Variants in CACNG6 observed in about 807,000 individuals in gnomAD.
CACNG6 encodes voltage-dependent calcium channel gamma-6 subunit.
CACNG6 carries 21 observed loss-of-function variants against 23.9 expected under a neutral mutation model. The ratio of observed to expected loss-of-function variants is 0.88; its 90% CI spans 0.62 to 1.26. CACNG6 has a LOEUF of 1.26. Among genes scored for constraint, CACNG6 ranks in the 50% most tolerant of loss-of-function variants. CACNG6 has a pLI of 0.00. For synonymous variants in CACNG6, 182 were observed against 168.9 expected (o/e 1.08, Z -0.60); for missense variants, 340 against 352.9 (o/e 0.96, Z 0.29).
Position 53,992,707 on chromosome 19 carries a change from C to T in CACNG6, c.-171C>T, listed in dbSNP as rs1379426733. Reference sequence around the variant, plus strand: ...TTCTCTTCTGAACCCCAGAAGCAATCTCGACTTTCGCATTTGAGATTCCAG... The same window carrying T: ...TTCTCTTCTGAACCCCAGAAGCAATTTCGACTTTCGCATTTGAGATTCCAG... On this transcript the variant is annotated 5_prime_UTR_variant, in exon 1 of 4. Transcript: ENST00000252729. This position sits in a 1 kb window ranked among gnomAD's most constrained non-coding sequence, Gnocchi z 4.1. The T allele has an allele frequency of 7.4e-6, 3 of 406,916 alleles. No individual in the cohort carries two copies. The highest frequency in any genetic ancestry group is 6.2e-5 in the African/African-American group (3 of 48,426). 25.2% of individuals were successfully genotyped at this position (406,916 alleles called of 1,614,324 possible).
intron 3 of CACNG6, among the ~76,000 whole-genome samples, chr19:54,004,457 A>C (rs287136): frequency 0.027 from 4,002 of 149,238 alleles, 180 homozygotes; most frequent in African/African-American, 0.093. Flanking sequence ...ACCTCAGGTG[A>C]TCTGCCCGCC....
intron 3 of CACNG6, 64 bp from the exon 4 acceptor site, chr19:54,011,875 GGGAGCGGATGGC>G: frequency 9.2e-7 from 1 of 1,090,166 alleles, no homozygotes; most frequent in Non-Finnish European, 1.2e-6. Flanking sequence ...CGGGAGGGCT[GGGAGCGGATGGC>G]GGAGATGTTC....
At chr19:54,002,284 G>GTTTTGTT (rs2069586727) in intron 3 of CACNG6, among the ~76,000 whole-genome samples, 1 of 117,428 alleles carries the variant, frequency 8.5e-6, no homozygotes, top group South Asian at 2.5e-4. Flanking sequence ...TGTTTTTTTT[G>GTTTTGTT]TTTTTTTTTT....
intron 3 of CACNG6, among the ~76,000 whole-genome samples, chr19:54,004,191 G>A (rs1289893332): frequency 6.6e-6 from 1 of 151,172 alleles, no homozygotes; most frequent in African/African-American, 2.4e-5. Context: ...ACGGAGTTTC[G>A]CTCTTGTTGC....
intron 3 of CACNG6, among the ~76,000 whole-genome samples, chr19:54,010,589 T>C (rs2069695240): frequency 6.6e-6 from 1 of 152,154 alleles, no homozygotes; most frequent in Non-Finnish European, 1.5e-5. Context: ...TTATATATTT[T>C]TAAGAATTGG....
intron 3 of CACNG6, among the ~76,000 whole-genome samples, chr19:54,005,372 C>T (rs998532949): frequency 9.3e-5 from 14 of 150,640 alleles, no homozygotes; most frequent in Non-Finnish European, 2.1e-4. Context: ...CCAGCCTGGG[C>T]AACATAGTGA....
rs1171704719 is a variant in CACNG6 at position 54,012,472 on chromosome 19, G to T, written c.*283G>T. ...GCGGGGACCTGATGGGGTAGCTGGGGTGTGGGGTTGGGGGATGAGGTCAGG... is the reference window on the plus strand; with the variant it reads ...GCGGGGACCTGATGGGGTAGCTGGGTTGTGGGGTTGGGGGATGAGGTCAGG... On this transcript the variant is annotated 3_prime_UTR_variant, in exon 4 of 4. Transcript: ENST00000252729. The T allele has an allele frequency of 9.1e-6, 2 of 219,832 alleles. No individual in the cohort carries two copies. The highest frequency in any genetic ancestry group is 1.7e-5 in the Non-Finnish European group (2 of 114,458). 13.6% of individuals were successfully genotyped at this position (219,832 alleles called of 1,614,324 possible). A position where few individuals can be genotyped will look rare whatever the true frequency, so the allele number is the denominator to read the frequency against.
At chr19:54,003,792 A>G (rs902417470) in intron 3 of CACNG6, among the ~76,000 whole-genome samples, 1 of 152,100 alleles carries the variant, frequency 6.6e-6, no homozygotes, top group Admixed American at 6.6e-5. Flanking sequence ...ACTCTTCTCT[A>G]TGCTTCTCCT....
chr19:54,011,430 CAAAAAAAAAAA>C (rs59105087), intron 3 of CACNG6, among the ~76,000 whole-genome samples: 1 of 100,588 alleles, frequency 9.9e-6, no homozygotes, highest in Non-Finnish European at 2.0e-5. Context: ...GACTCCGTCT[CAAAAAAAAAAA>C]AAAAAAAAAA....
chr19:53,995,021 C>T (rs531368301), intron 1 of CACNG6, among the ~76,000 whole-genome samples: 103 of 151,648 alleles, frequency 6.8e-4, no homozygotes, highest in African/African-American at 2.2e-3. Context: ...GCCTATGAGT[C>T]GTTATTATCA....
At position 54,012,034 on chromosome 19, in the gene CACNG6, G is replaced by A. The variant is rs576293186; in HGVS notation, c.628G>A (p.Ala210Thr). 2 of 1,604,912 alleles carry A rather than the reference G, an allele frequency of 1.2e-6. No homozygotes were observed. Among genetic ancestry groups the A allele is most frequent in the African/African-American group, 1.3e-5 (1 of 74,254 alleles). ...LQRVSPEPPPAPRLTYEYSWS... is the reference protein window; with the variant it reads ...LQRVSPEPPPTPRLTYEYSWS... ...GAGAGTCAGCCCGGAGCCTCCCCCG[G>A]CCCCACGCCTCACCTACGAGTACTC... Residue 210 changes from alanine (A) to threonine (T), a missense_variant, in exon 4 of 4, where the codon GCC (alanine) becomes ACC (threonine). Ala to Thr is a moderately conservative substitution (Grantham distance 58). Transcript: ENST00000252729.
At chr19:54,007,841 A>G (rs1568818285) in intron 3 of CACNG6, among the ~76,000 whole-genome samples, 1 of 151,846 alleles carries the variant, frequency 6.6e-6, no homozygotes, top group Non-Finnish European at 1.5e-5. Flanking sequence ...GGTTGCATGC[A>G]GTGAGCTATG....
intron 1 of CACNG6, among the ~76,000 whole-genome samples, chr19:53,997,241 T>C (rs2069529653): frequency 1.3e-5 from 2 of 152,188 alleles, no homozygotes; most frequent in Non-Finnish European, 2.9e-5. Flanking sequence ...ACTGTGTTTC[T>C]CAAATCTCTC....
chr19:53,995,046 A>C (rs2069506706), intron 1 of CACNG6, among the ~76,000 whole-genome samples: 1 of 152,096 alleles, frequency 6.6e-6, no homozygotes, highest in Non-Finnish European at 1.5e-5. Context: ...CGTTCTAGAG[A>C]AGAGAAAAAT....
At chr19:54,006,517 C>CTTTCTTTTTTTTTTTTTTTTTTTTTT (rs2069646652) in intron 3 of CACNG6, among the ~76,000 whole-genome samples, 5 of 107,334 alleles carry the variant, frequency 4.7e-5, no homozygotes, top group African/African-American at 1.9e-4. Flanking sequence ...TTCCTTCTTT[C>CTTTCTTTTTTTTTTTTTTTTTTTTTT]TTTTCTTTTT....
intron 3 of CACNG6, among the ~76,000 whole-genome samples, chr19:54,008,178 C>A (rs1270990614): frequency 1.3e-5 from 2 of 151,764 alleles, no homozygotes; most frequent in East Asian, 1.9e-4. Context: ...CACGGTGAAA[C>A]CCCATCTCTA....
Position 53,991,949 on chromosome 19 carries a change from T to G in CACNG6, c.-929T>G, listed in dbSNP as rs952227091. ...CAGTGCGGACCACAGCCCCATAGTG[T>G]GAGCCCCAGGAGGGCCCCCGGTCCC... On this transcript the variant is annotated 5_prime_UTR_variant, in exon 1 of 4. Coordinates refer to ENST00000252729, the MANE Select transcript of CACNG6 (RefSeq NM_145814.2). Among the ~76,000 whole-genome samples the G allele has an allele frequency of 1.3e-5, 2 of 152,054 alleles. No individual in the cohort carries two copies. The highest frequency in any genetic ancestry group is 4.8e-5 in the African/African-American group (2 of 41,390).
At chr19:53,993,293 C>G (rs1378892151) in intron 1 of CACNG6, 85 bp downstream of exon 1, 39 of 1,363,364 alleles carry the variant, frequency 2.9e-5, no homozygotes, top group Admixed American at 5.0e-5. Flanking sequence ...AAAACCCGCC[C>G]CAGGGACAAA....
chr19:54,011,614 A>C (rs1278584432), intron 3 of CACNG6, among the ~76,000 whole-genome samples: 1 of 151,804 alleles, frequency 6.6e-6, no homozygotes, highest in Non-Finnish European at 1.5e-5. Context: ...ATTGTTATGC[A>C]ACTATCACCC....
Sources: allele counts gnomAD v4.1 joint callset (sites outside exome capture counted in the v4.1 genomes callset), GRCh38; gene constraint gnomAD v4.1.1; non-coding constraint Gnocchi (gnomAD v3.1); transcripts MANE v1.5; gene names NCBI Gene and HGNC (gene_info 2026-07-23, HGNC 2026-07-21).